The following GPC5 variants were observed in gnomAD, a reference collection of about 807,000 sequenced individuals.
The protein encoded by GPC5 is glypican 5, also known as glypican-5.
Under a neutral mutation model 53.9 loss-of-function variants are expected in GPC5, and 47 were observed. The ratio of observed to expected loss-of-function variants is 0.87; its 90% CI spans 0.69 to 1.11. The LOEUF (loss-of-function observed/expected upper bound fraction) is 1.11. GPC5 is among the 50% of genes most tolerant of loss of function. The pLI is 0.00. For missense variants in GPC5, 748 were observed against 713.1 expected, an observed-to-expected ratio of 1.05 and a Z score of -0.56; for synonymous variants, 286 against 263.3, an observed-to-expected ratio of 1.09 and a Z score of -0.84.
chr13:91,463,722 G>C (rs1161015803), intron 2 of GPC5, among the ~76,000 whole-genome samples: 1 of 151,998 alleles, frequency 6.6e-6, no homozygotes, highest in Non-Finnish European at 1.5e-5. Flanking sequence ...TTGAGAAATT[G>C]AATATTCATA....
At chr13:92,306,544 G>T (rs1160403281) in intron 7 of GPC5, among the ~76,000 whole-genome samples, 4 of 152,144 alleles carry the variant, frequency 2.6e-5, no homozygotes, top group Admixed American at 6.6e-5. Context: ...CCTTTTTACT[G>T]CTCTTAAAGC....
chr13:92,112,387 A>G (rs555119626), intron 6 of GPC5, among the ~76,000 whole-genome samples: 19 of 152,200 alleles, frequency 1.2e-4, no homozygotes, highest in Non-Finnish European at 2.6e-4. Context: ...TTAAGAAGTG[A>G]TGGTCAAAGA....
At chr13:92,077,856 C>T (rs1032930522) in intron 6 of GPC5, among the ~76,000 whole-genome samples, 1 of 152,082 alleles carries the variant, frequency 6.6e-6, no homozygotes, top group Non-Finnish European at 1.5e-5. Flanking sequence ...AACATCATAG[C>T]CTAATCCCTA....
chr13:92,290,978 T>G (rs1432870547), intron 7 of GPC5, among the ~76,000 whole-genome samples: 1 of 152,100 alleles, frequency 6.6e-6, no homozygotes. Flanking sequence ...GCCCCACTCT[T>G]GGAAGGGCCT....
At chr13:91,791,360 G>A (rs1247691378) in intron 5 of GPC5, among the ~76,000 whole-genome samples, 2 of 152,082 alleles carry the variant, frequency 1.3e-5, no homozygotes, top group Non-Finnish European at 2.9e-5. Context: ...ATGCTCCCTG[G>A]AAAATGAGAA....
chr13:91,590,258 A>G (rs956567749), intron 2 of GPC5, among the ~76,000 whole-genome samples: 9 of 152,036 alleles, frequency 5.9e-5, no homozygotes, highest in Admixed American at 2.0e-4. Flanking sequence ...TAATATATTT[A>G]AAAGGAATAT....
intron 5 of GPC5, among the ~76,000 whole-genome samples, chr13:91,852,000 C>T: frequency 6.6e-6 from 1 of 150,952 alleles, no homozygotes; most frequent in East Asian, 2.0e-4. Flanking sequence ...ATTTATAGTC[C>T]TTTGGGTATA....
At chr13:91,646,053 T>C (rs1470504277) in intron 2 of GPC5, among the ~76,000 whole-genome samples, 1 of 152,226 alleles carries the variant, frequency 6.6e-6, no homozygotes, top group Non-Finnish European at 1.5e-5. Context: ...TGTAGTTCTT[T>C]GGTTTCCAAA....
At chr13:92,322,155 C>T (rs1485101695) in intron 7 of GPC5, among the ~76,000 whole-genome samples, 1 of 151,726 alleles carries the variant, frequency 6.6e-6, no homozygotes, top group East Asian at 1.9e-4. Context: ...AGTGAGGAAA[C>T]TGAGGCATAC....
At chr13:91,885,207 A>G (rs2039309301) in intron 5 of GPC5, among the ~76,000 whole-genome samples, 1 of 152,192 alleles carries the variant, frequency 6.6e-6, no homozygotes, top group Non-Finnish European at 1.5e-5. Flanking sequence ...AGTAATGGAT[A>G]TACCGTCTCT....
At chr13:92,743,686 A>C (rs1264669492) in intron 7 of GPC5, among the ~76,000 whole-genome samples, 1 of 152,110 alleles carries the variant, frequency 6.6e-6, no homozygotes, top group African/African-American at 2.4e-5. Context: ...GAATGCTTCC[A>C]GTTTTTGTCC....
At chr13:92,639,969 T>TC (rs1885533761) in intron 7 of GPC5, among the ~76,000 whole-genome samples, 1 of 151,712 alleles carries the variant, frequency 6.6e-6, no homozygotes, top group Admixed American at 6.6e-5. Context: ...AGGATTTTTT[T>TC]TTTTCTCTCT....
intron 7 of GPC5, among the ~76,000 whole-genome samples, chr13:92,328,746 G>T (rs991838925): frequency 6.6e-6 from 1 of 152,002 alleles, no homozygotes; most frequent in Non-Finnish European, 1.5e-5. Flanking sequence ...CACACTTCAG[G>T]GTGTTACTTT....
intron 7 of GPC5, among the ~76,000 whole-genome samples, chr13:92,703,182 C>T (rs911691589): frequency 1.3e-4 from 20 of 151,664 alleles, no homozygotes; most frequent in African/African-American, 4.6e-4. Context: ...AGCACAGGGA[C>T]TTTTATCAAT....
At chr13:92,375,409 CTG>C in intron 7 of GPC5, among the ~76,000 whole-genome samples, 1 of 152,134 alleles carries the variant, frequency 6.6e-6, no homozygotes, top group Admixed American at 6.5e-5. Flanking sequence ...ATTTTGGTAA[CTG>C]TAAAGGCTGT....
chr13:92,676,056 T>C (rs984209990), intron 7 of GPC5, among the ~76,000 whole-genome samples: 2 of 152,190 alleles, frequency 1.3e-5, no homozygotes, highest in Non-Finnish European at 2.9e-5. Flanking sequence ...TAACCAGATA[T>C]TTTTTGCCAT....
intron 2 of GPC5, among the ~76,000 whole-genome samples, chr13:91,629,511 C>T (rs1409208945): frequency 6.6e-6 from 1 of 151,966 alleles, no homozygotes; most frequent in South Asian, 2.1e-4. Context: ...GGCGTGGTGG[C>T]ACACACCTGT....
At chr13:92,018,711 A>G in intron 6 of GPC5, among the ~76,000 whole-genome samples, 1 of 152,124 alleles carries the variant, frequency 6.6e-6, no homozygotes, top group East Asian at 1.9e-4. Context: ...AGTATTTTTA[A>G]TAGGTCCTTT....
chr13:91,520,913 A>G (rs1368176610), intron 2 of GPC5, among the ~76,000 whole-genome samples: 3 of 152,262 alleles, frequency 2.0e-5, no homozygotes, highest in East Asian at 1.9e-4. Flanking sequence ...AAGAATAACT[A>G]AACATCCTTA....
Sources: allele counts gnomAD v4.1 joint callset (sites outside exome capture counted in the v4.1 genomes callset), GRCh38; gene constraint gnomAD v4.1.1; transcripts MANE v1.5; gene names NCBI Gene and HGNC (gene_info 2026-07-23, HGNC 2026-07-21).